Variants in RTCB observed in about 807,000 individuals in gnomAD.
The protein encoded by RTCB is RNA-splicing ligase RTCB.
Under a neutral mutation model 58.2 loss-of-function variants are expected in RTCB, and 32 were observed. The ratio of observed to expected loss-of-function variants is 0.55; its 90% CI spans 0.41 to 0.74. RTCB has a LOEUF of 0.74. RTCB is among the 30% of genes least tolerant of loss of function. The probability of loss-of-function intolerance (pLI) is 0.00; values close to 1 mark genes in which losing one functional copy is unlikely to be tolerated. For synonymous variants in RTCB, 247 were observed against 218.6 expected, an observed-to-expected ratio of 1.13 and a Z score of -1.15; for missense variants, 523 against 639.0, an observed-to-expected ratio of 0.82 and a Z score of 1.96.
rs1933242242 is a variant in RTCB, at chr22:32,396,149, G to A, written c.915C>T (p.Asp305=). 1.2e-6 allele frequency: 2 copies of A among 1,614,082 alleles called. No homozygotes were observed. Among genetic ancestry groups the A allele is most frequent in the East Asian group, 2.2e-5 (1 of 44,892 alleles). ...CAGCAGCTGCCATTCCCTTCAGATAGTCTTGACCCTCTGGGGAAGCGATTC... is the reference window on the plus strand; with the variant it reads ...CAGCAGCTGCCATTCCCTTCAGATAATCTTGACCCTCTGGGGAAGCGATTC... ...CARIASPEGQ[D]YLKGMAAAGN... is the part of the protein sequence containing the mutation. Residue 305 remains aspartate, a synonymous_variant, in exon 8 of 12, where the codon GAC becomes GAT. Transcript: ENST00000216038.
At chr22:32,392,406 A>G (rs181932017) in intron 10 of RTCB, 47 bp from the exon 11 acceptor site, 46 of 1,612,884 alleles carry the variant, frequency 2.9e-5, no homozygotes, top group Admixed American at 1.2e-4. Context: ...TAAGATGATA[A>G]GCCCTTTCCC....
At chr22:32,401,467 A>AT in intron 5 of RTCB, 1 of 279,206 alleles carries the variant, frequency 3.6e-6, no homozygotes, top group Non-Finnish European at 6.7e-6. Context: ...GGATGAAATG[A>AT]TATGATGCTC....
intron 4 of RTCB, among the ~76,000 whole-genome samples, chr22:32,405,098 A>AT (rs1933398239): frequency 6.6e-6 from 1 of 152,146 alleles, no homozygotes; most frequent in South Asian, 2.1e-4. Flanking sequence ...TGTAAGATTC[A>AT]TTTTATAATA....
intron 11 of RTCB, among the ~76,000 whole-genome samples, chr22:32,389,637 A>C (rs1313917677): frequency 6.6e-6 from 1 of 152,076 alleles, no homozygotes; most frequent in African/African-American, 2.4e-5. Context: ...ATAAAGGATG[A>C]ATTATCTGTG....
chr22:32,410,923 G>A (rs76886071), intron 1 of RTCB, among the ~76,000 whole-genome samples: 251 of 152,206 alleles, frequency 1.6e-3, no homozygotes, highest in Admixed American at 2.4e-3. Flanking sequence ...GCCCAGGCAG[G>A]TCTCCAAAGT....
intron 3 of RTCB, 136 bp downstream of exon 3, chr22:32,408,039 A>C: frequency 1.3e-6 from 1 of 756,566 alleles, no homozygotes; most frequent in Non-Finnish European, 2.2e-6. Context: ...GGCATGAGCC[A>C]CTGAGCCTGG....
At chr22:32,405,073 A>G (rs1421429353) in intron 4 of RTCB, among the ~76,000 whole-genome samples, 1 of 152,176 alleles carries the variant, frequency 6.6e-6, no homozygotes, top group Non-Finnish European at 1.5e-5. Context: ...GTGAGGGGGA[A>G]GACCATTTCA....
At chr22:32,406,601 G>T (rs982176865) in intron 4 of RTCB, 61 bp downstream of exon 4, 4 of 1,170,948 alleles carry the variant, frequency 3.4e-6, no homozygotes, top group African/African-American at 1.5e-5. Context: ...GATTACAGAC[G>T]TGAGCCACCG....
Position 32,401,564 on chromosome 22 carries a change from C to T in RTCB, c.497+183G>A, listed in dbSNP as rs533499571. 4 of 577,894 alleles carry T rather than the reference C, an allele frequency of 6.9e-6. No individual in the cohort carries two copies. In the African/African-American group the frequency reaches 7.4e-5, roughly 11 times the overall value. 35.8% of individuals were successfully genotyped at this position (577,894 alleles called of 1,614,324 possible). On this transcript the variant is annotated intron_variant, in intron 5 of 11. Transcript: ENST00000216038. ...TACTCTATGTCAAAGGCTGTTATAA[C>T]ATCGGTTGACTAATGTCTCCAATAA...
chr22:32,396,162 G>A lies in RTCB; in HGVS notation c.902C>T (p.Pro301Leu). The stretch of plus-strand genomic sequence containing the variant: ...TCCCTTCAGATAGTCTTGACCCTCT[G>A]GGGAAGCGATTCGAGCACAAGCCAA... ...RQLACARIAS[P>L]EGQDYLKGMA... Residue 301 changes from proline to leucine, a missense_variant, in exon 8 of 12, where the codon CCA (proline) becomes CTA (leucine). By Grantham distance (98) the Pro-to-Leu change is moderately conservative (BLOSUM62 -3). Around this residue, in one of 3 missense-constraint regions of RTCB, gnomAD observed 248 missense variants for 292.5 expected, o/e 0.85. Transcript: ENST00000216038. The A allele has an allele frequency of 1.2e-6, 2 of 1,614,112 alleles. No homozygotes were observed. Among genetic ancestry groups the A allele is most frequent in the Non-Finnish European group, 1.7e-6 (2 of 1,180,002 alleles).
chr22:32,393,442 G>A (rs1310579706), intron 10 of RTCB, among the ~76,000 whole-genome samples: 1 of 152,160 alleles, frequency 6.6e-6, no homozygotes, highest in Non-Finnish European at 1.5e-5. Flanking sequence ...GGGTGTGTGT[G>A]TAGACTGTAC....
At chr22:32,411,482 TA>T (rs1277078617) in intron 1 of RTCB, among the ~76,000 whole-genome samples, 1 of 152,136 alleles carries the variant, frequency 6.6e-6, no homozygotes, top group Admixed American at 6.6e-5. Flanking sequence ...TAGAGGAAGC[TA>T]TGTCACCGAC....
chr22:32,392,779 G>A (rs1489738439), intron 10 of RTCB, among the ~76,000 whole-genome samples: 1 of 152,122 alleles, frequency 6.6e-6, no homozygotes, highest in Non-Finnish European at 1.5e-5. Flanking sequence ...AAAAAAGTAG[G>A]ATTAAATACA....
chr22:32,406,713 C>A lies in RTCB; in HGVS notation c.289G>T (p.Gly97Trp). ...TTCATATCAAAGGCTGCCATGTTCC[C>A]AATAGCAAACCCATATCCTGAATGG... is the stretch of plus-strand genomic sequence containing the variant. ...DVHSGYGFAI[G>W]NMAAFDMNDP... The change falls in exon 4 of 12, where the codon GGG (glycine) becomes TGG (tryptophan). Residue 97 changes from glycine (G) to tryptophan (W), a missense_variant. Physicochemically the swap from Gly to Trp is radical, Grantham distance 184. Transcript: ENST00000216038. The A allele has an allele frequency of 6.2e-7, 1 of 1,612,874 alleles. No individual in the cohort carries two copies. Among genetic ancestry groups the A allele is most frequent in the Non-Finnish European group, 8.5e-7 (1 of 1,179,076 alleles).
At chr22:32,394,908 T>A (rs1933218791) in intron 9 of RTCB, 118 bp downstream of exon 9, 1 of 851,662 alleles carries the variant, frequency 1.2e-6, no homozygotes, top group South Asian at 1.8e-5. Context: ...ACTGTTCTCA[T>A]GAGTGACAGA....
At chr22:32,408,362 A>G in intron 2 of RTCB, 120 bp from the exon 3 acceptor site, 1 of 765,520 alleles carries the variant, frequency 1.3e-6, no homozygotes. Flanking sequence ...AAGACAACAA[A>G]GCCTAGAAGG....
intron 3 of RTCB, chr22:32,407,842 A>G (rs1265585122): frequency 7.6e-6 from 2 of 263,502 alleles, no homozygotes; most frequent in Non-Finnish European, 1.5e-5. Flanking sequence ...GGCTCAGTGC[A>G]GTGTGGAACT....
chr22:32,405,095 T>C (rs1355542476), intron 4 of RTCB, among the ~76,000 whole-genome samples: 1 of 152,218 alleles, frequency 6.6e-6, no homozygotes, highest in Non-Finnish European at 1.5e-5. Context: ...GTGTGTAAGA[T>C]TCATTTTATA....
In RTCB at chr22:32,399,709, C is replaced by A; in HGVS notation, c.548G>T (p.Gly183Val). ...EMGVDWSLREGYAWAEDKEHC... is the reference protein window; with the variant it reads ...EMGVDWSLREVYAWAEDKEHC... ...CTCCTTGTCTTCAGCCCAGGCATAC[C>A]CTTCTCTTAAGGACCAGTCCACCCC... is the stretch of plus-strand genomic sequence containing the variant. The change falls in exon 6 of 12, where the codon GGG becomes GTG. Residue 183 changes from glycine (G) to valine (V), a missense_variant. Gly to Val is a moderately radical substitution (Grantham distance 109). Around this residue, in one of 3 missense-constraint regions of RTCB, gnomAD observed 141 missense variants for 216.7 expected, o/e 0.65. Coordinates refer to ENST00000216038, the MANE Select transcript of RTCB (RefSeq NM_014306.5). 6.2e-7 allele frequency: 1 copy of A among 1,614,050 alleles called. No homozygotes were observed. Among genetic ancestry groups the A allele is most frequent in the Non-Finnish European group, 8.5e-7 (1 of 1,179,990 alleles).
Sources: allele counts gnomAD v4.1 joint callset (sites outside exome capture counted in the v4.1 genomes callset), GRCh38; gene constraint gnomAD v4.1.1; regional missense constraint gnomAD v4.1.1; transcripts MANE v1.5; gene names NCBI Gene and HGNC (gene_info 2026-07-23, HGNC 2026-07-21).